Variants in PNKD observed in about 807,000 individuals in gnomAD.
PNKD encodes probable thioesterase PNKD.
A neutral mutation model predicts 45.3 loss-of-function variants in PNKD; 36 were observed. That is an observed-to-expected ratio of 0.80 (90% CI 0.61 to 1.05). PNKD has a LOEUF of 1.05. Ranked by LOEUF, PNKD falls within the 50% of genes least tolerant of loss-of-function variation. The pLI is 0.00. For synonymous variants in PNKD, 197 were observed against 210.1 expected, an observed-to-expected ratio of 0.94 and a Z score of 0.54; for missense variants, 511 against 506.6, an observed-to-expected ratio of 1.01 and a Z score of -0.08.
intron 2 of PNKD, among the ~76,000 whole-genome samples, chr2:218,339,365 A>G (rs2106292288): frequency 6.6e-6 from 1 of 152,108 alleles, no homozygotes; most frequent in Middle Eastern, 3.4e-3. Context: ...AGCTGGGACT[A>G]CAAGCGTGTG....
In PNKD at chr2:218,277,480, A is replaced by C. The variant is rs1190042746; in HGVS notation, c.236+5931A>C. On this transcript the variant is annotated intron_variant, in intron 2 of 9. Coordinates refer to ENST00000273077, the MANE Select transcript of PNKD (RefSeq NM_015488.5). Reference sequence around the variant, plus strand: ...TGGGGAGAAGCAGGAGTTACAGACAAGAGGCATTAAGCCACGTATGAATGA... The same window carrying C: ...TGGGGAGAAGCAGGAGTTACAGACACGAGGCATTAAGCCACGTATGAATGA... 1.9e-6 allele frequency: 3 copies of C among 1,612,596 alleles called. No individual in the cohort carries two copies. The African/African-American group carries it at 4.0e-5, about 22-fold the overall frequency.
In PNKD at chr2:218,278,721, C is replaced by T. The variant is rs1248126928; in HGVS notation, c.236+7172C>T. ...GAACGAGATTACCCCCAGCCAGGGT[C>T]ACTGAGATGCTCTGAAGCACCAGGC... is the stretch of plus-strand genomic sequence containing the variant. On this transcript the variant is annotated intron_variant, in intron 2 of 9. Transcript: ENST00000273077. Among the ~76,000 whole-genome samples, 3 of 152,206 alleles carry T rather than the reference C, an allele frequency of 2.0e-5. No homozygotes were observed. In the East Asian group the frequency reaches 5.8e-4, roughly 29 times the overall value.
At chr2:218,298,775 C>T (rs963275283) in intron 2 of PNKD, among the ~76,000 whole-genome samples, 1 of 152,210 alleles carries the variant, frequency 6.6e-6, no homozygotes, top group African/African-American at 2.4e-5. Context: ...GGGGGATTCT[C>T]AGCTTTCAAG....
chr2:218,341,955 C>A (rs1169190982), intron 6 of PNKD, 26 bp from the exon 7 acceptor site: 1 of 1,593,670 alleles, frequency 6.3e-7, no homozygotes, highest in East Asian at 2.2e-5. Context: ...CCAATACCTT[C>A]TGTCCCCTGC....
chr2:218,279,266 G>T, intron 2 of PNKD: 1 of 1,566,436 alleles, frequency 6.4e-7, no homozygotes, highest in South Asian at 1.2e-5. Flanking sequence ...AGTAGGAGTG[G>T]GTGGCAAAGC....
intron 2 of PNKD, among the ~76,000 whole-genome samples, chr2:218,284,668 C>A (rs962310194): frequency 4.6e-5 from 7 of 152,218 alleles, no homozygotes; most frequent in South Asian, 2.1e-4. Flanking sequence ...CCTCAGCCAC[C>A]AGCCCATCCA....
At chr2:218,323,163 C>A in intron 2 of PNKD, 2 of 1,351,946 alleles carry the variant, frequency 1.5e-6, no homozygotes, top group South Asian at 3.5e-5. Flanking sequence ...GGCCACAACG[C>A]CCCCACGTCC....
chr2:218,343,543 G>T lies in PNKD; in HGVS notation c.825G>T (p.Leu275=). ...ATGCAGAGACCATGCTGAGCTCACT[G>T]GACACTGTGCTGGGGCTAGGGGATG... ...EGNAETMLSS[L]DTVLGLGDDT... The change falls in exon 8 of 10, where the codon CTG becomes CTT. Residue 275 remains leucine, a synonymous_variant. Transcript: ENST00000273077. 6.2e-7 allele frequency: 1 copy of T among 1,613,712 alleles called. No individual in the cohort carries two copies. The highest frequency in any genetic ancestry group is 8.5e-7 in the Non-Finnish European group (1 of 1,179,826).
chr2:218,310,558 A>G (rs1693579126), intron 2 of PNKD, among the ~76,000 whole-genome samples: 1 of 148,684 alleles, frequency 6.7e-6, no homozygotes, highest in Non-Finnish European at 1.5e-5. Flanking sequence ...GACCACATGT[A>G]TAACAATGGT....
At position 218,309,666 on chromosome 2, in the gene PNKD, C is replaced by A. The variant is rs1377434908; in HGVS notation, c.237-30117C>A. 2.0e-5 allele frequency among the ~76,000 whole-genome samples: 3 copies of A among 151,890 alleles called. No homozygotes were observed. The East Asian group carries it at 5.8e-4, about 29-fold the overall frequency. On this transcript the variant is annotated intron_variant, in intron 2 of 9. Transcript: ENST00000273077. ...ACCCAACTGAGGCCAGGCACAGTGG[C>A]TCAGCCTCTAATCCCAGCACTTTGG...
Position 218,324,997 on chromosome 2 carries a change from C to CTTTTTTTTTTTT in PNKD, c.237-14769_237-14758dup, listed in dbSNP as rs1167758595. On this transcript the variant is annotated intron_variant, in intron 2 of 9. Coordinates refer to ENST00000273077, the MANE Select transcript of PNKD (RefSeq NM_015488.5). ...AACATGAAGGTATCTAAATAATTTT[C>CTTTTTTTTTTTT]TTTTTTTTTTTTTTTTTTTTTTTTT... 6.4e-5 allele frequency among the ~76,000 whole-genome samples: 4 copies of CTTTTTTTTTTTT among 62,660 alleles called. 1 individual carries two copies. Among genetic ancestry groups the CTTTTTTTTTTTT allele is most frequent in the African/African-American group, 2.7e-4 (4 of 14,862 alleles). 41.1% of individuals were successfully genotyped at this position (62,660 alleles called of 152,430 possible). A position where few individuals can be genotyped will look rare whatever the true frequency, so the allele number is the denominator to read the frequency against.
At chr2:218,338,514 C>T (rs1179866856) in intron 2 of PNKD, among the ~76,000 whole-genome samples, 2 of 151,060 alleles carry the variant, frequency 1.3e-5, no homozygotes, top group Non-Finnish European at 1.5e-5. Flanking sequence ...CACCTGTAAT[C>T]CTAACACTTT....
chr2:218,316,176 C>T (rs771709647), intron 2 of PNKD, among the ~76,000 whole-genome samples: 2 of 151,988 alleles, frequency 1.3e-5, no homozygotes, highest in Non-Finnish European at 2.9e-5. Context: ...CCTTTGGAGA[C>T]AGCCTTTCAG....
Position 218,345,860 on chromosome 2 carries a change from G to C in PNKD, c.*879G>C, listed in dbSNP as rs1559096831. 1 of 152,428 alleles carries C rather than the reference G, an allele frequency of 6.6e-6. No homozygotes were observed. The highest frequency in any genetic ancestry group is 2.4e-5 in the African/African-American group (1 of 41,472). The allele number at this position is 152,428 out of a possible 1,614,324, so 9.4% of individuals were successfully genotyped here. A position where few individuals can be genotyped will look rare whatever the true frequency, so the allele number is the denominator to read the frequency against. ...ATGCTGTATTCTCATTTTGGCCCTT[G>C]TTCTTAGGCCCGTCTGCCCGCCTTC... is the stretch of plus-strand genomic sequence containing the variant. On this transcript the variant is annotated 3_prime_UTR_variant, in exon 10 of 10. Coordinates refer to ENST00000273077, the MANE Select transcript of PNKD (RefSeq NM_015488.5).
intron 2 of PNKD, chr2:218,323,150 C>T: frequency 1.5e-6 from 2 of 1,332,402 alleles, no homozygotes; most frequent in Non-Finnish European, 9.6e-7. Flanking sequence ...ATGGGCGGGG[C>T]GGGGCCACAA....
At chr2:218,310,736 T>A (rs1226750625) in intron 2 of PNKD, among the ~76,000 whole-genome samples, 2 of 151,286 alleles carry the variant, frequency 1.3e-5, no homozygotes, top group Admixed American at 1.3e-4. Flanking sequence ...GGGTTACAGG[T>A]GCGTGCCACC....
At position 218,271,267 on chromosome 2, in the gene PNKD, G is replaced by A. The variant is rs192826689; in HGVS notation, c.68-114G>A. 344 of 900,694 alleles carry A rather than the reference G, an allele frequency of 3.8e-4. 1 individual carries two copies. The African/African-American group carries it at 5.1e-3, about 13-fold the overall frequency. The allele number at this position is 900,694 out of a possible 1,614,324, so 55.8% of individuals were successfully genotyped here. On this transcript the variant is annotated intron_variant, in intron 1 of 9. Coordinates refer to ENST00000273077, the MANE Select transcript of PNKD (RefSeq NM_015488.5). ...TTGGCACTTCTTACTTCAGACTGCA[G>A]TCACTCCCCTTCCCCAGATCTCAGC...
At chr2:218,273,479 ATTTTT>A (rs10562640) in intron 2 of PNKD, among the ~76,000 whole-genome samples, 1 of 96,906 alleles carries the variant, frequency 1.0e-5, no homozygotes, top group Non-Finnish European at 2.0e-5. Context: ...TTTTTTACTT[ATTTTT>A]TTTTTTTTTT....
intron 2 of PNKD, among the ~76,000 whole-genome samples, chr2:218,307,770 T>C (rs1574681917): frequency 6.6e-6 from 1 of 152,096 alleles, no homozygotes; most frequent in Non-Finnish European, 1.5e-5. Context: ...AAGTGGTGAA[T>C]TTAGAGCTAG....
Sources: gnomAD v4.1 joint callset for allele counts (sites outside exome capture counted in the v4.1 genomes callset) on GRCh38, gnomAD v4.1.1 for gene constraint, MANE v1.5 for transcripts, NCBI Gene and HGNC (gene_info 2026-07-23, HGNC 2026-07-21) for gene names.